NLRC5: variants seen among roughly 807,000 people sequenced by gnomAD.
NLRC5 encodes the protein protein NLRC5.
In NLRC5, 114 loss-of-function variants were observed where a neutral mutation model predicts 206.9. That is an observed-to-expected ratio of 0.55 (90% CI 0.47 to 0.64). The LOEUF (loss-of-function observed/expected upper bound fraction) is 0.64, where lower values mean the gene tolerates loss of function less well. Ranked by LOEUF, NLRC5 falls within the 30% of genes least tolerant of loss-of-function variation. The probability of loss-of-function intolerance (pLI) is 0.00; values close to 1 mark genes in which losing one functional copy is unlikely to be tolerated. For missense variants in NLRC5, 2,008 were observed against 2,305.5 expected, an observed-to-expected ratio of 0.87 and a Z score of 2.64; for synonymous variants, 952 against 962.8, an observed-to-expected ratio of 0.99 and a Z score of 0.21.
At chr16:56,998,223 AT>A (rs1415645346) in intron 1 of NLRC5, among the ~76,000 whole-genome samples, 1 of 151,038 alleles carries the variant, frequency 6.6e-6, no homozygotes, top group Non-Finnish European at 1.5e-5. Context: ...CTTTAAAAAA[AT>A]GTATTAATTC....
At chr16:57,081,285 C>A in intron 47 of NLRC5, 104 bp downstream of exon 47, 1 of 1,182,622 alleles carries the variant, frequency 8.5e-7, no homozygotes, top group Non-Finnish European at 1.2e-6. Flanking sequence ...GAAAGCCCTT[C>A]CTTGAGTTGC....
At chr16:57,035,656 C>A (rs1161543820) in intron 13 of NLRC5, among the ~76,000 whole-genome samples, 1 of 152,216 alleles carries the variant, frequency 6.6e-6, no homozygotes, top group Non-Finnish European at 1.5e-5. Flanking sequence ...AATAAGCCAT[C>A]CCCGACTCCC....
rs762818282 is a variant in NLRC5 at position 57,058,058 on chromosome 16, C to G, written c.3747-7C>G. On this transcript the variant is annotated splice_polypyrimidine_tract_variant and splice_region_variant and intron_variant, in intron 27 of 48. Transcript: ENST00000688547. Reference sequence around the variant, plus strand: ...TGATCCCCGCCACTGCTCCTTACCCCCTACAGTCTCTCAGCAAACCTGCTG... The same window carrying G: ...TGATCCCCGCCACTGCTCCTTACCCGCTACAGTCTCTCAGCAAACCTGCTG... 14 of 1,610,760 alleles carry G rather than the reference C, an allele frequency of 8.7e-6. No homozygotes were observed. The Admixed American group carries it at 1.7e-4, about 19-fold the overall frequency.
chr16:57,010,436 G>A (rs77110090), intron 1 of NLRC5, among the ~76,000 whole-genome samples: 2,602 of 152,166 alleles, frequency 0.017, 73 homozygotes, highest in African/African-American at 0.06. Context: ...GTGGGGTGGC[G>A]AGATCATAGC....
chr16:57,063,131 A>T lies in NLRC5; in HGVS notation c.4154+1430A>T, dbSNP rs868416534. Among the ~76,000 whole-genome samples, 575 of 70,990 alleles carry T rather than the reference A, an allele frequency of 8.1e-3. 3 individuals carry two copies. The highest frequency in any genetic ancestry group is 0.026 in the African/African-American group (421 of 15,898). 46.6% of individuals were successfully genotyped at this position (70,990 alleles called of 152,430 possible). ...CTTTTTTTTTTTTTTTTTTTTTTTG[A>T]GACAGAGTCTCACTCTTGTCACCTG... On this transcript the variant is annotated intron_variant, in intron 32 of 48. Coordinates refer to ENST00000688547, the MANE Select transcript of NLRC5 (RefSeq NM_001384950.1).
In NLRC5 at chr16:57,026,672, C is replaced by G; in HGVS notation, c.1729C>G (p.Leu577Val). ...GLASCTCRPF[L>V]SHLAQGNEDC... ...GGCATCCTGCACCTGCCGCCCCTTC[C>G]TTAGCCACCTGGCGCAGGGCAATGA... Residue 577 changes from leucine to valine, a missense_variant, in exon 6 of 49, where the codon CTT (leucine) becomes GTT (valine). By Grantham distance (32) the Leu-to-Val change is conservative (BLOSUM62 1). Coordinates refer to ENST00000688547, the MANE Select transcript of NLRC5 (RefSeq NM_001384950.1). The G allele has an allele frequency of 1.2e-6, 2 of 1,614,182 alleles. No individual in the cohort carries two copies. The highest frequency in any genetic ancestry group is 1.7e-6 in the Non-Finnish European group (2 of 1,180,010).
chr16:57,022,992 C>A (rs1429321211), intron 4 of NLRC5, among the ~76,000 whole-genome samples: 2 of 152,218 alleles, frequency 1.3e-5, no homozygotes, highest in Non-Finnish European at 2.9e-5. Context: ...GTAACCAGAT[C>A]TGATTGATAT....
chr16:57,034,137 T>C, intron 12 of NLRC5, 31 bp from the exon 13 acceptor site: 1 of 1,599,108 alleles, frequency 6.3e-7, no homozygotes, highest in Non-Finnish European at 8.6e-7. Flanking sequence ...CTGTTTGCCC[T>C]GAGCCCTTCT....
At chr16:57,046,690 G>A (rs141441293) in intron 22 of NLRC5, 49 bp downstream of exon 22, 2 of 1,485,126 alleles carry the variant, frequency 1.3e-6, no homozygotes, top group East Asian at 4.6e-5. Flanking sequence ...TAGGGATGAG[G>A]CGTCAGAGGG....
rs867491528 is a variant in NLRC5, at chr16:57,061,930, A to G, written c.4154+229A>G. On this transcript the variant is annotated intron_variant, in intron 32 of 48. Coordinates refer to ENST00000688547, the MANE Select transcript of NLRC5 (RefSeq NM_001384950.1). ...GGCCTGTGCTTTGGGATTTAAGAAA[A>G]AAAGAAAGAAAGAAAGAAAGAAGGT... The G allele has an allele frequency of 4.0e-6, 6 of 1,517,344 alleles. No homozygotes were observed. The African/African-American group carries it at 4.1e-5, about 10-fold the overall frequency. 94.0% of individuals were successfully genotyped at this position (1,517,344 alleles called of 1,614,324 possible). A position where few individuals can be genotyped will look rare whatever the true frequency, so the allele number is the denominator to read the frequency against.
At chr16:57,043,443 T>A in intron 19 of NLRC5, 72 bp from the exon 20 acceptor site, 494 of 918,244 alleles carry the variant, frequency 5.4e-4, no homozygotes, top group Non-Finnish European at 7.5e-4. Context: ...TCCCCCGCCC[T>A]GTGCCCTGAC....
chr16:57,067,785 CT>C lies in NLRC5; in HGVS notation c.4457del (p.Leu1486ArgfsTer11). The C allele has an allele frequency of 6.2e-7, 1 of 1,614,226 alleles. No homozygotes were observed. The highest frequency in any genetic ancestry group is 8.5e-7 in the Non-Finnish European group (1 of 1,180,016). On this transcript the variant is annotated frameshift_variant, in exon 36 of 49. Transcript: ENST00000688547. LOFTEE classifies it high-confidence loss of function. ...GGACGATGATGCCAGTTCCCTGCTG[CT>C]GCAGAGCCTCCTGCTGTCCCTCTCT... is the stretch of plus-strand genomic sequence containing the variant. Reference protein sequence around the residue: ...CEDDDASSLLLQSLLLSLSEL... With the variant: ...CEDDDASSLLXQSLLLSLSEL...
intron 48 of NLRC5, among the ~76,000 whole-genome samples, chr16:57,081,891 G>A (rs154042): frequency 0.57 from 86,593 of 152,124 alleles, 25,360 homozygotes; most frequent in East Asian, 0.82. Flanking sequence ...AGAGAGTTGT[G>A]AAGACTAAAT....
intron 32 of NLRC5, 86 bp from the exon 33 acceptor site, chr16:57,065,126 G>C: frequency 1.2e-6 from 1 of 853,132 alleles, no homozygotes; most frequent in East Asian, 3.2e-5. Context: ...TCCCCCCCTT[G>C]ACACTCCTCC....
At chr16:57,080,781 A>T in intron 46 of NLRC5, 1 of 267,774 alleles carries the variant, frequency 3.7e-6, no homozygotes, top group East Asian at 8.4e-5. Flanking sequence ...TTAATTTTTT[A>T]AAGTAAGAAA....
intron 19 of NLRC5, among the ~76,000 whole-genome samples, chr16:57,043,276 C>T (rs775768452): frequency 1.3e-5 from 2 of 152,164 alleles, no homozygotes; most frequent in Admixed American, 6.5e-5. Flanking sequence ...CACTGGGTGC[C>T]CATCTCAGCT....
chr16:57,066,725 C>A lies in NLRC5; in HGVS notation c.4322+111C>A, dbSNP rs78360542. The A allele has an allele frequency of 2.7e-3, 2,672 of 978,334 alleles. 11 individuals are homozygous for A. The highest frequency in any genetic ancestry group is 3.8e-3 in the Non-Finnish European group (2,407 of 633,062). 60.6% of individuals were successfully genotyped at this position (978,334 alleles called of 1,614,324 possible). A position where few individuals can be genotyped will look rare whatever the true frequency, so the allele number is the denominator to read the frequency against. On this transcript the variant is annotated intron_variant, in intron 34 of 48. Coordinates refer to ENST00000688547, the MANE Select transcript of NLRC5 (RefSeq NM_001384950.1). ...CCCAGAGACCTTAGGGGTTCGAAGT[C>A]TTTACACAGGCTACAGAGGTCTGAC...
chr16:57,074,270 G>A (rs1297333801), intron 38 of NLRC5: 3 of 208,208 alleles, frequency 1.4e-5, no homozygotes, highest in Non-Finnish European at 3.0e-5. Context: ...AAATGGGGAC[G>A]ATAATAAACC....
At chr16:57,042,400 C>T (rs981251868) in intron 19 of NLRC5, among the ~76,000 whole-genome samples, 8 of 152,002 alleles carry the variant, frequency 5.3e-5, no homozygotes, top group Middle Eastern at 6.8e-3. Flanking sequence ...CCTGGGGTGC[C>T]GGGAGGGGCT....
Sources: gnomAD v4.1 joint callset for allele counts (sites outside exome capture counted in the v4.1 genomes callset) on GRCh38, gnomAD v4.1.1 for gene constraint, MANE v1.5 for transcripts, NCBI Gene and HGNC (gene_info 2026-07-23, HGNC 2026-07-21) for gene names.